Variants in TJP3 observed in about 807,000 individuals in gnomAD.
TJP3 encodes the protein tight junction protein 3.
TJP3 carries 85 observed loss-of-function variants against 104.2 expected under a neutral mutation model. The ratio of observed to expected loss-of-function variants is 0.82; its 90% CI spans 0.68 to 0.98. TJP3 has a LOEUF of 0.98. Among genes scored for constraint, TJP3 ranks in the 50% least tolerant of loss-of-function variants. The pLI is 0.00. For synonymous variants in TJP3, 550 were observed against 550.6 expected, an observed-to-expected ratio of 1.00 and a Z score of 0.02; for missense variants, 1,367 against 1,322.8, an observed-to-expected ratio of 1.03 and a Z score of -0.52.
chr19:3,728,833 A>G, intron 3 of TJP3, 120 bp downstream of exon 3: 2 of 1,058,310 alleles, frequency 1.9e-6, no homozygotes, highest in South Asian at 3.0e-5. Flanking sequence ...TGGGCGGATC[A>G]CCTGAGTTCA....
In TJP3 at chr19:3,749,909, C is replaced by T. The variant is rs147141507; in HGVS notation, c.2611-229C>T. Reference sequence around the variant, plus strand: ...TGTGAGGACTTGCACAGATGAGAAACCCAATTCCCCTTTTGCTGACAGGCT... The same window carrying T: ...TGTGAGGACTTGCACAGATGAGAAATCCAATTCCCCTTTTGCTGACAGGCT... On this transcript the variant is annotated intron_variant, in intron 19 of 20. Coordinates refer to ENST00000541714, the MANE Select transcript of TJP3 (RefSeq NM_001267560.2). Among the ~76,000 whole-genome samples, 1,276 of 152,266 alleles carry T rather than the reference C, an allele frequency of 8.4e-3. 10 individuals are homozygous for T. The highest frequency in any genetic ancestry group is 0.011 in the Non-Finnish European group (769 of 68,034).
At chr19:3,736,058 T>TG in intron 10 of TJP3, 107 bp from the exon 11 acceptor site, 14 of 1,516,484 alleles carry the variant, frequency 9.2e-6, no homozygotes, top group South Asian at 3.7e-5. Flanking sequence ...GTGGGGGTTT[T>TG]GGGGAAACTG....
At chr19:3,716,007 G>A (rs2036473726) in intron 1 of TJP3, among the ~76,000 whole-genome samples, 1 of 151,886 alleles carries the variant, frequency 6.6e-6, no homozygotes, top group Non-Finnish European at 1.5e-5. Context: ...TCGAACTCCT[G>A]ACCTCACGTG....
At chr19:3,720,901 C>CT (rs370206267) in intron 1 of TJP3, among the ~76,000 whole-genome samples, 6,355 of 114,226 alleles carry the variant, frequency 0.056, 406 homozygotes, top group East Asian at 0.14. Context: ...CCTTCCTTTT[C>CT]TTTTTTTTTT....
At chr19:3,726,513 C>A (rs961103479) in intron 1 of TJP3, among the ~76,000 whole-genome samples, 1 of 151,806 alleles carries the variant, frequency 6.6e-6, no homozygotes. Flanking sequence ...GCAGGAGAAT[C>A]GCTTGAAACT....
chr19:3,716,231 C>T lies in TJP3; in HGVS notation c.-10+7670C>T, dbSNP rs904303271. ...GGGATTACAGGTGCCTGTCACTACG[C>T]CCAGCTAATTTCTGTATTTTGAGTA... On this transcript the variant is annotated intron_variant, in intron 1 of 20. Transcript: ENST00000541714. 2.5e-4 allele frequency among the ~76,000 whole-genome samples: 37 copies of T among 147,974 alleles called. 2 individuals are homozygous for T. The highest frequency in any genetic ancestry group is 7.3e-4 in the African/African-American group (30 of 41,242).
At position 3,730,505 on chromosome 19, in the gene TJP3, T is replaced by C; in HGVS notation, c.412T>C (p.Ser138Pro). The change falls in exon 5 of 21, where the codon TCC (serine) becomes CCC (proline). Residue 138 changes from serine to proline, a missense_variant. Coordinates refer to ENST00000541714, the MANE Select transcript of TJP3 (RefSeq NM_001267560.2). The surrounding 1 kb of genome is among the most constrained non-coding windows in gnomAD (Gnocchi z 7.3). ...RGYDGDSSSG[S>P]GRSWDERSRR... The stretch of plus-strand genomic sequence containing the variant: ...CTATGACGGCGACTCATCCAGTGGC[T>C]CCGGCCGCTCCTGGGACGAGCGCTC... 2 of 1,587,082 alleles carry C rather than the reference T, an allele frequency of 1.3e-6. No homozygotes were observed. Among genetic ancestry groups the C allele is most frequent in the South Asian group, 1.1e-5 (1 of 89,102 alleles).
At chr19:3,728,037 A>G (rs1034221202) in intron 1 of TJP3, among the ~76,000 whole-genome samples, 1 of 152,154 alleles carries the variant, frequency 6.6e-6, no homozygotes, top group Non-Finnish European at 1.5e-5. Flanking sequence ...GCCAGAAGTT[A>G]AAGGCCAGTC....
chr19:3,728,674 C>G lies in TJP3; in HGVS notation c.119C>G (p.Ser40Cys). Residue 40 changes from serine to cysteine, a missense_variant, in exon 3 of 21, where the codon TCT (serine) becomes TGT (cysteine). By Grantham distance (112) the Ser-to-Cys change is moderately radical (BLOSUM62 -1). Transcript: ENST00000541714. ...RDRPGGSMVV[S>C]DVVPGGPAEG... Reference sequence around the variant, plus strand: ...CGGCCCGGTGGATCCATGGTTGTATCTGACGTGGTACCTGGAGGGCCGGCG... The same window carrying G: ...CGGCCCGGTGGATCCATGGTTGTATGTGACGTGGTACCTGGAGGGCCGGCG... 1 of 1,613,844 alleles carries G rather than the reference C, an allele frequency of 6.2e-7. No individual in the cohort carries two copies. Among genetic ancestry groups the G allele is most frequent in the Non-Finnish European group, 8.5e-7 (1 of 1,180,006 alleles).
chr19:3,738,385 C>T (rs954789258), intron 11 of TJP3, among the ~76,000 whole-genome samples, 170 bp from the exon 12 acceptor site: 6 of 152,202 alleles, frequency 3.9e-5, no homozygotes, highest in African/African-American at 9.7e-5. Context: ...ACACATCACA[C>T]AGCCATAGGG....
At position 3,746,464 on chromosome 19, in the gene TJP3, A is replaced by G. The variant is rs777100813; in HGVS notation, c.2011-21A>G. The stretch of plus-strand genomic sequence containing the variant: ...CCCTGCTGCAATCCCCCTCACCCCA[A>G]CGTCCGCCGGCCTGGCCCAGGACAA... On this transcript the variant is annotated intron_variant, in intron 16 of 20. Coordinates refer to ENST00000541714, the MANE Select transcript of TJP3 (RefSeq NM_001267560.2). The surrounding 1 kb of genome is among the most constrained non-coding windows in gnomAD (Gnocchi z 4.1). 1.9e-6 allele frequency: 3 copies of G among 1,612,560 alleles called. No individual in the cohort carries two copies. The highest frequency in any genetic ancestry group is 2.2e-5 in the East Asian group (1 of 44,838).
rs1381444226 is a variant in TJP3 at position 3,733,965 on chromosome 19, G to A, written c.877+53G>A. The A allele has an allele frequency of 8.8e-6, 14 of 1,584,956 alleles. No individual in the cohort carries two copies. In the East Asian group the frequency reaches 3.0e-4, roughly 34 times the overall value. On this transcript the variant is annotated intron_variant, in intron 7 of 20. Coordinates refer to ENST00000541714, the MANE Select transcript of TJP3 (RefSeq NM_001267560.2). ...AGGGGGTTGAATGGATGGCAGGGAA[G>A]GTGGGAAGCCCCAGGCAGGGCCAAG...
chr19:3,732,514 C>CTT (rs530864745), intron 6 of TJP3, among the ~76,000 whole-genome samples: 29 of 145,200 alleles, frequency 2.0e-4, no homozygotes, highest in African/African-American at 2.3e-4. Context: ...TTATCTGTTT[C>CTT]TTTTTTTTTT....
In TJP3 at chr19:3,734,402, G is replaced by A. The variant is rs200603772; in HGVS notation, c.953G>A (p.Arg318Gln). The stretch of plus-strand genomic sequence containing the variant: ...CCACCACCACCCCGGCATGCTCAGC[G>A]GAGCCCCGAGGCCAGCCAGACCGAC... ...HIPPPPRHAQ[R>Q]SPEASQTDSP... The change falls in exon 8 of 21, where the codon CGG becomes CAG. Residue 318 changes from arginine (R) to glutamine (Q), a missense_variant. Arg to Gln is a conservative substitution (Grantham distance 43, BLOSUM62 1). Coordinates refer to ENST00000541714, the MANE Select transcript of TJP3 (RefSeq NM_001267560.2). 20 of 1,612,058 alleles carry A rather than the reference G, an allele frequency of 1.2e-5. 1 individual carries two copies. The East Asian group carries it at 2.2e-4, about 18-fold the overall frequency.
intron 19 of TJP3, among the ~76,000 whole-genome samples, chr19:3,748,848 C>CTTG: frequency 2.0e-5 from 1 of 48,840 alleles, no homozygotes; most frequent in East Asian, 4.9e-4. Context: ...TGCACCCGGC[C>CTTG]TTTTTTTTTT....
chr19:3,717,985 G>C (rs1487393942), intron 1 of TJP3, among the ~76,000 whole-genome samples: 1 of 151,194 alleles, frequency 6.6e-6, no homozygotes, highest in African/African-American at 2.4e-5. Flanking sequence ...GGAGGCCGAG[G>C]GGGGCGGATC....
At chr19:3,734,521 T>G (rs532532482) in intron 8 of TJP3, 86 bp downstream of exon 8, 43 of 1,246,538 alleles carry the variant, frequency 3.4e-5, no homozygotes, top group Non-Finnish European at 4.7e-5. Flanking sequence ...GCTTTCCAAC[T>G]GGGGGTAACC....
In TJP3 at chr19:3,748,052, G is replaced by A; in HGVS notation, c.2581G>A (p.Gly861Arg). 1.3e-6 allele frequency: 2 copies of A among 1,585,916 alleles called. No individual in the cohort carries two copies. Among genetic ancestry groups the A allele is most frequent in the Non-Finnish European group, 1.7e-6 (2 of 1,166,312 alleles). ...TGAGTCCCAGAGCCCGAGGGATCGT[G>A]GGAGAATCTCGGCTCATCAGGGGGC... ...ADESQSPRDR[G>R]RISAHQGAQV... Residue 861 changes from glycine (G) to arginine (R), a missense_variant, in exon 19 of 21, where the codon GGG becomes AGG. By Grantham distance (125) the Gly-to-Arg change is moderately radical. Coordinates refer to ENST00000541714, the MANE Select transcript of TJP3 (RefSeq NM_001267560.2).
chr19:3,741,520 G>C (rs949995196), intron 14 of TJP3, among the ~76,000 whole-genome samples: 1 of 149,510 alleles, frequency 6.7e-6, no homozygotes, highest in Non-Finnish European at 1.5e-5. Flanking sequence ...CCAGCTACTT[G>C]GGAGGCTGAG....
Sources: allele counts gnomAD v4.1 joint callset (sites outside exome capture counted in the v4.1 genomes callset), GRCh38; gene constraint gnomAD v4.1.1; non-coding constraint Gnocchi (gnomAD v3.1); transcripts MANE v1.5; gene names NCBI Gene and HGNC (gene_info 2026-07-23, HGNC 2026-07-21).